Variants in PPP1R16B observed in about 807,000 individuals in gnomAD.
The protein encoded by PPP1R16B is protein phosphatase 1 regulatory subunit 16B, also known as protein phosphatase 1 regulatory inhibitor subunit 16B.
A neutral mutation model predicts 61.7 loss-of-function variants in PPP1R16B; 14 were observed. The observed-to-expected ratio is 0.23, with a 90% confidence interval of 0.15 to 0.35. The LOEUF (loss-of-function observed/expected upper bound fraction) is 0.35, where lower values mean the gene tolerates loss of function less well. Ranked by LOEUF, PPP1R16B falls within the 10% of genes least tolerant of loss-of-function variation. The probability of loss-of-function intolerance (pLI) is 1.00; values close to 1 mark genes in which losing one functional copy is unlikely to be tolerated. For synonymous variants in PPP1R16B, 266 were observed against 305.3 expected, an observed-to-expected ratio of 0.87 and a Z score of 1.34; for missense variants, 547 against 752.5, an observed-to-expected ratio of 0.73 and a Z score of 3.19.
chr20:38,831,181 G>C (rs1266966397), intron 1 of PPP1R16B, among the ~76,000 whole-genome samples: 1 of 152,364 alleles, frequency 6.6e-6, no homozygotes, highest in East Asian at 1.9e-4. Flanking sequence ...GCACACAGCT[G>C]CTTCCTTGTA....
chr20:38,891,575 G>A (rs1480690636), intron 3 of PPP1R16B, among the ~76,000 whole-genome samples: 3 of 152,174 alleles, frequency 2.0e-5, no homozygotes, highest in Non-Finnish European at 4.4e-5. Flanking sequence ...CAAGGCAGGT[G>A]GATCACCTGA....
intron 5 of PPP1R16B, among the ~76,000 whole-genome samples, chr20:38,901,232 C>T (rs994700018): frequency 1.3e-5 from 2 of 152,162 alleles, no homozygotes; most frequent in African/African-American, 4.8e-5. Context: ...GTCACATCCC[C>T]AGATCCTCAG....
intron 3 of PPP1R16B, among the ~76,000 whole-genome samples, chr20:38,892,062 G>A (rs1386134514): frequency 1.4e-5 from 2 of 144,980 alleles, no homozygotes; most frequent in African/African-American, 5.1e-5. Flanking sequence ...TTGGGGAGGT[G>A]AAATCTCTTT....
chr20:38,868,039 C>T (rs368562057), intron 2 of PPP1R16B, among the ~76,000 whole-genome samples: 116 of 152,264 alleles, frequency 7.6e-4, no homozygotes, highest in African/African-American at 2.3e-3. Context: ...GTGCTGAGGC[C>T]GTGCCTGGGC....
chr20:38,851,464 T>TA (rs573299357), intron 2 of PPP1R16B, among the ~76,000 whole-genome samples: 5,479 of 140,206 alleles, frequency 0.039, 155 homozygotes, highest in African/African-American at 0.08. Context: ...GACTCCATCT[T>TA]AAAAAAAAAA....
intron 3 of PPP1R16B, among the ~76,000 whole-genome samples, chr20:38,893,685 C>T (rs547425138): frequency 6.6e-6 from 1 of 152,238 alleles, no homozygotes; most frequent in South Asian, 2.1e-4. Context: ...CTACCACCCA[C>T]TCCATGTGCG....
Position 38,889,577 on chromosome 20 carries a change from T to C in PPP1R16B, c.251-18T>C. 6.4e-7 allele frequency: 1 copy of C among 1,556,570 alleles called. No individual in the cohort carries two copies. The highest frequency in any genetic ancestry group is 8.9e-7 in the Non-Finnish European group (1 of 1,127,604). On this transcript the variant is annotated intron_variant, in intron 2 of 10. Transcript: ENST00000299824. Reference sequence around the variant, plus strand: ...CAGTGTGCAACGGGAAGCTCACTCCTGTACCCTCCTATTGCAGTACGCTAC... The same window carrying C: ...CAGTGTGCAACGGGAAGCTCACTCCCGTACCCTCCTATTGCAGTACGCTAC...
intron 2 of PPP1R16B, among the ~76,000 whole-genome samples, chr20:38,860,183 G>GTC (rs1341416169): frequency 6.6e-6 from 1 of 152,218 alleles, no homozygotes; most frequent in Non-Finnish European, 1.5e-5. Flanking sequence ...GGTCAGGCTG[G>GTC]TCTCAAACTT....
chr20:38,877,952 G>GTTTTTT (rs34151516), intron 2 of PPP1R16B, among the ~76,000 whole-genome samples: 2 of 57,814 alleles, frequency 3.5e-5, no homozygotes, highest in African/African-American at 1.2e-4. Flanking sequence ...GCACACAGTT[G>GTTTTTT]TTTTTTTTTT....
chr20:38,903,915 G>A (rs2085418958), intron 6 of PPP1R16B, among the ~76,000 whole-genome samples: 1 of 152,184 alleles, frequency 6.6e-6, no homozygotes, highest in African/African-American at 2.4e-5. Context: ...TGACTGGGGG[G>A]TGGGTGCCCT....
chr20:38,895,887 TTC>T (rs2085335113), intron 4 of PPP1R16B, among the ~76,000 whole-genome samples, 177 bp downstream of exon 4: 1 of 98,490 alleles, frequency 1.0e-5, no homozygotes, highest in Non-Finnish European at 2.0e-5. Context: ...TCCTTCTTTC[TTC>T]CCTCCCTCCC....
intron 1 of PPP1R16B, among the ~76,000 whole-genome samples, chr20:38,826,347 T>G (rs1329036343): frequency 6.6e-6 from 1 of 152,222 alleles, no homozygotes; most frequent in Non-Finnish European, 1.5e-5. Flanking sequence ...GACTGACTAA[T>G]GCGTTTGTAG....
At chr20:38,887,829 C>A (rs980744328) in intron 2 of PPP1R16B, among the ~76,000 whole-genome samples, 4 of 152,210 alleles carry the variant, frequency 2.6e-5, no homozygotes, top group Non-Finnish European at 5.9e-5. Flanking sequence ...GTGGTGACCT[C>A]AACCTCCCCT....
chr20:38,849,702 A>C (rs2084955782), intron 2 of PPP1R16B, among the ~76,000 whole-genome samples: 1 of 151,918 alleles, frequency 6.6e-6, no homozygotes, highest in East Asian at 1.9e-4. Flanking sequence ...AAAACAAAAA[A>C]CTGTTTGTTG....
intron 2 of PPP1R16B, among the ~76,000 whole-genome samples, chr20:38,845,644 C>G (rs2084931921): frequency 6.6e-6 from 1 of 151,902 alleles, no homozygotes; most frequent in Non-Finnish European, 1.5e-5. Context: ...GTGATGGGAA[C>G]AGGGTTGGCG....
chr20:38,862,506 A>G (rs1195011831), intron 2 of PPP1R16B, among the ~76,000 whole-genome samples: 1 of 152,210 alleles, frequency 6.6e-6, no homozygotes, highest in African/African-American at 2.4e-5. Context: ...AAGATATGAA[A>G]GCAAATGTAG....
rs2085609923 is a variant in PPP1R16B, at chr20:38,922,731, A to G, written c.*4065A>G. The G allele has an allele frequency of 6.5e-6, 1 of 152,698 alleles. No individual in the cohort carries two copies. The highest frequency in any genetic ancestry group is 2.4e-5 in the African/African-American group (1 of 41,466). 9.5% of individuals were successfully genotyped at this position (152,698 alleles called of 1,614,324 possible). On this transcript the variant is annotated 3_prime_UTR_variant, in exon 11 of 11. Coordinates refer to ENST00000299824, the MANE Select transcript of PPP1R16B (RefSeq NM_015568.4). ...AAAAATGTATTTTATGTGAAAAAAA[A>G]TTAAAACTCTGTATACTGTATCAGC...
At chr20:38,826,638 A>G (rs2084807013) in intron 1 of PPP1R16B, among the ~76,000 whole-genome samples, 1 of 152,262 alleles carries the variant, frequency 6.6e-6, no homozygotes, top group South Asian at 2.1e-4. Flanking sequence ...CCTGCTTAAA[A>G]TGGGCCTTGC....
chr20:38,811,660 A>G (rs921936615), intron 1 of PPP1R16B, among the ~76,000 whole-genome samples: 1 of 152,190 alleles, frequency 6.6e-6, no homozygotes, highest in Non-Finnish European at 1.5e-5. Context: ...GTGGTTCTCA[A>G]CTTGGGGCAG....
Sources: gnomAD v4.1 joint callset for allele counts (sites outside exome capture counted in the v4.1 genomes callset) on GRCh38, gnomAD v4.1.1 for gene constraint, MANE v1.5 for transcripts, NCBI Gene and HGNC (gene_info 2026-07-23, HGNC 2026-07-21) for gene names.